Variants in HIGD1C observed in about 807,000 individuals in gnomAD.
HIGD1C encodes the protein HIG1 hypoxia inducible domain family member 1C.
Under a neutral mutation model 13.1 loss-of-function variants are expected in HIGD1C, and 11 were observed. That is an observed-to-expected ratio of 0.84 (90% CI 0.53 to 1.39). The LOEUF (loss-of-function observed/expected upper bound fraction) is 1.39. Ranked by LOEUF, HIGD1C falls within the 40% of genes most tolerant of loss-of-function variation. HIGD1C has a pLI of 0.00. For missense variants in HIGD1C, 110 were observed against 112.0 expected (o/e 0.98, Z 0.08); for synonymous variants, 36 against 37.7 (o/e 0.95, Z 0.17).
upstream of HIGD1C, among the ~76,000 whole-genome samples, chr12:50,950,709 T>G (rs1938875227): frequency 7.6e-6 from 1 of 131,674 alleles, no homozygotes; most frequent in African/African-American, 2.9e-5. Context: ...TGGAGTCTCA[T>G]TCTGTCACCC....
At chr12:50,941,466 A>G in the HIGD1C span, among the ~76,000 whole-genome samples, 714 of 152,308 alleles carry the variant, frequency 4.7e-3, 7 homozygotes, top group African/African-American at 0.015. Context: ...GATGGCAGGT[A>G]TGCCTAAAAA....
intron 1 of HIGD1C, among the ~76,000 whole-genome samples, chr12:50,960,405 CA>C (rs1939280214): frequency 6.6e-6 from 1 of 152,164 alleles, no homozygotes; most frequent in Admixed American, 6.5e-5. Context: ...GTAGCATGCA[CA>C]GTTTGAAATC....
the HIGD1C span, among the ~76,000 whole-genome samples, chr12:50,938,899 C>T: frequency 6.6e-6 from 1 of 152,198 alleles, no homozygotes; most frequent in South Asian, 2.1e-4. Context: ...TTGCAACTGA[C>T]TCAATCTTCC....
At chr12:50,950,833 C>T (rs1938878817), upstream of HIGD1C, among the ~76,000 whole-genome samples, 1 of 151,792 alleles carries the variant, frequency 6.6e-6, no homozygotes, top group South Asian at 2.1e-4. Flanking sequence ...CCTGCCACCA[C>T]GCCCAGCTAA....
At chr12:50,962,256 CAA>C (rs1939361752) in intron 2 of HIGD1C, among the ~76,000 whole-genome samples, 1 of 141,804 alleles carries the variant, frequency 7.1e-6, no homozygotes, top group South Asian at 2.4e-4. Context: ...CACACACACA[CAA>C]AATAGCTGGG....
intron 1 of HIGD1C, among the ~76,000 whole-genome samples, chr12:50,959,797 A>T (rs1251556390): frequency 6.6e-6 from 1 of 151,774 alleles, no homozygotes; most frequent in Non-Finnish European, 1.5e-5. Context: ...ACAGGCATGT[A>T]CCACCACGCC....
intron 2 of HIGD1C, among the ~76,000 whole-genome samples, chr12:50,963,745 CT>C (rs1417199852): frequency 6.6e-6 from 1 of 152,160 alleles, no homozygotes; most frequent in East Asian, 1.9e-4. Context: ...TCATTTCCAC[CT>C]TCTAAATCTC....
chr12:50,944,282 C>T, the HIGD1C span, among the ~76,000 whole-genome samples: 1 of 152,208 alleles, frequency 6.6e-6, no homozygotes, highest in Admixed American at 6.5e-5. Context: ...CACTGTTCCC[C>T]TCTTCAGGAA....
At chr12:50,948,937 AGGAGGAG>A (rs1938844598), upstream of HIGD1C, among the ~76,000 whole-genome samples, 1 of 17,946 alleles carries the variant, frequency 5.6e-5, no homozygotes, top group Non-Finnish European at 8.8e-5. Flanking sequence ...GGAGGGGAGG[AGGAGGAG>A]GAGGAGGAGA....
At chr12:50,960,686 AT>A (rs60135812) in intron 1 of HIGD1C, among the ~76,000 whole-genome samples, 83 of 147,370 alleles carry the variant, frequency 5.6e-4, no homozygotes, top group African/African-American at 1.2e-3. Context: ...TAACCCATAC[AT>A]TTTTTTTTTT....
At chr12:50,972,505 C>T (rs1278871050), downstream of HIGD1C, among the ~76,000 whole-genome samples, 1 of 152,162 alleles carries the variant, frequency 6.6e-6, no homozygotes, top group African/African-American at 2.4e-5. Context: ...TTGCCATGTT[C>T]TGGGGTGGTT....
At chr12:50,952,416 C>A (rs936683142), upstream of HIGD1C, among the ~76,000 whole-genome samples, 1 of 152,208 alleles carries the variant, frequency 6.6e-6, no homozygotes, top group Non-Finnish European at 1.5e-5. Flanking sequence ...ATGAACGCTA[C>A]CTGATCCTCT....
At chr12:50,968,080 T>C (rs1430313232) in intron 2 of HIGD1C, among the ~76,000 whole-genome samples, 6 of 151,284 alleles carry the variant, frequency 4.0e-5, no homozygotes, top group Admixed American at 1.3e-4. Flanking sequence ...AGCGAGGCAT[T>C]GTCTCAAATA....
intron 2 of HIGD1C, among the ~76,000 whole-genome samples, chr12:50,969,005 C>T (rs189821090): frequency 5.7e-4 from 86 of 152,118 alleles, no homozygotes; most frequent in South Asian, 2.5e-3. Flanking sequence ...TAAATAAATG[C>T]ACAGTTTAGC....
At chr12:50,947,003 C>A in the HIGD1C span, among the ~76,000 whole-genome samples, 1 of 152,202 alleles carries the variant, frequency 6.6e-6, no homozygotes, top group Non-Finnish European at 1.5e-5. Flanking sequence ...AGATGTTCTT[C>A]CATTCCTATG....
the HIGD1C span, among the ~76,000 whole-genome samples, chr12:50,947,948 CAAAT>C: frequency 6.6e-6 from 1 of 152,034 alleles, no homozygotes; most frequent in Non-Finnish European, 1.5e-5. Context: ...GACTCCGTCT[CAAAT>C]AAATATGAAA....
chr12:50,957,804 G>A (rs1301570395), intron 1 of HIGD1C, among the ~76,000 whole-genome samples: 1 of 151,998 alleles, frequency 6.6e-6, no homozygotes, highest in Non-Finnish European at 1.5e-5. Flanking sequence ...AGAATCGCTT[G>A]AACCCTGGAG....
the HIGD1C span, chr12:50,932,100 G>A: frequency 6.6e-6 from 1 of 152,092 alleles, no homozygotes; most frequent in Non-Finnish European, 1.5e-5. Flanking sequence ...GGTGGTTAAG[G>A]TTCTTGGGTT....
the HIGD1C span, among the ~76,000 whole-genome samples, chr12:50,947,793 G>T: frequency 6.6e-6 from 1 of 152,136 alleles, no homozygotes; most frequent in Non-Finnish European, 1.5e-5. Context: ...GTCTAAAATA[G>T]ACAAGATGAG....
Sources: gnomAD v4.1 joint callset for allele counts (sites outside exome capture counted in the v4.1 genomes callset) on GRCh38, gnomAD v4.1.1 for gene constraint, MANE v1.5 for transcripts, NCBI Gene and HGNC (gene_info 2026-07-23, HGNC 2026-07-21) for gene names.